SLC41A2: variants seen among roughly 807,000 people sequenced by gnomAD.
SLC41A2 encodes the protein solute carrier family 41 member 2.
In SLC41A2, 32 loss-of-function variants were observed where a neutral mutation model predicts 58.3. That is an observed-to-expected ratio of 0.55 (90% CI 0.41 to 0.74). SLC41A2 has a LOEUF of 0.74. SLC41A2 is among the 30% of genes least tolerant of loss of function. The pLI is 0.00. For missense variants in SLC41A2, 514 were observed against 680.6 expected, an observed-to-expected ratio of 0.76 and a Z score of 2.72; for synonymous variants, 190 against 235.0, an observed-to-expected ratio of 0.81 and a Z score of 1.75.
chr12:104,903,529 A>C (rs1185274753), intron 3 of SLC41A2, among the ~76,000 whole-genome samples: 1 of 152,156 alleles, frequency 6.6e-6, no homozygotes, highest in Non-Finnish European at 1.5e-5. Flanking sequence ...GGAGTTTCTA[A>C]TTTAGTAGTT....
Position 104,844,492 on chromosome 12 carries a change from A to G in SLC41A2, c.1516T>C (p.Leu506=). 6.6e-7 allele frequency: 1 copy of G among 1,507,232 alleles called. No individual in the cohort carries two copies. The highest frequency in any genetic ancestry group is 1.5e-5 in the South Asian group (1 of 68,724). The allele number at this position is 1,507,232 out of a possible 1,614,324, so 93.4% of individuals were successfully genotyped here. A position where few individuals can be genotyped will look rare whatever the true frequency, so the allele number is the denominator to read the frequency against. ...CTTACCTGTAACACAGCGCCAAATA[A>G]ATACACTACTATGAAGATTATAGTT... ...SLTIIFIVVY[L]FGAVLQVFTL... is the part of the protein sequence containing the mutation. Residue 506 remains leucine, a synonymous_variant, in exon 10 of 11, where the codon TTA becomes CTA. Transcript: ENST00000258538.
chr12:104,855,745 A>T (rs1471648543), intron 8 of SLC41A2, among the ~76,000 whole-genome samples: 1 of 152,196 alleles, frequency 6.6e-6, no homozygotes, highest in African/African-American at 2.4e-5. Context: ...TGAATTCAGA[A>T]GCTATTTCAA....
chr12:104,843,674 G>A (rs1263773768), intron 10 of SLC41A2, among the ~76,000 whole-genome samples: 2 of 151,960 alleles, frequency 1.3e-5, no homozygotes, highest in African/African-American at 2.4e-5. Context: ...TTATTACTAA[G>A]CAAACACAAA....
intron 1 of SLC41A2, among the ~76,000 whole-genome samples, chr12:104,949,205 C>T (rs11112252): frequency 0.029 from 4,447 of 151,920 alleles, 188 homozygotes; most frequent in African/African-American, 0.1. Context: ...GTAACAAAAG[C>T]GAAACTCCGT....
intron 6 of SLC41A2, among the ~76,000 whole-genome samples, chr12:104,877,074 T>A (rs1381776126): frequency 6.6e-6 from 1 of 152,248 alleles, no homozygotes; most frequent in Non-Finnish European, 1.5e-5. Flanking sequence ...ATGGCCTCTA[T>A]AACTAAAGCC....
intron 9 of SLC41A2, among the ~76,000 whole-genome samples, 168 bp from the exon 10 acceptor site, chr12:104,844,788 C>T (rs1465556827): frequency 6.6e-6 from 1 of 152,090 alleles, no homozygotes; most frequent in East Asian, 1.9e-4. Context: ...ATTTCATTCT[C>T]TGAAATTTCC....
At chr12:104,955,549 G>A (rs1382017306) in intron 1 of SLC41A2, among the ~76,000 whole-genome samples, 6 of 152,102 alleles carry the variant, frequency 3.9e-5, no homozygotes, top group African/African-American at 1.2e-4. Context: ...TGCCCACACC[G>A]TATTCAGAAT....
intron 1 of SLC41A2, among the ~76,000 whole-genome samples, chr12:104,935,367 C>CA (rs764380213): frequency 6.9e-6 from 1 of 143,974 alleles, no homozygotes; most frequent in Non-Finnish European, 1.5e-5. Context: ...ATTCTCACCA[C>CA]AAAAAAAAGT....
chr12:104,829,856 A>G (rs1308799418), intron 10 of SLC41A2, among the ~76,000 whole-genome samples: 1 of 152,220 alleles, frequency 6.6e-6, no homozygotes, highest in Non-Finnish European at 1.5e-5. Context: ...CATTATATAA[A>G]TTTCAAATTT....
chr12:104,855,552 G>A (rs1162141876), intron 8 of SLC41A2, among the ~76,000 whole-genome samples: 1 of 152,146 alleles, frequency 6.6e-6, no homozygotes, highest in Non-Finnish European at 1.5e-5. Flanking sequence ...TCTGGGACAT[G>A]TAATTAATCC....
intron 8 of SLC41A2, among the ~76,000 whole-genome samples, chr12:104,853,310 G>C (rs2042867858): frequency 6.6e-6 from 1 of 152,130 alleles, no homozygotes; most frequent in Admixed American, 6.5e-5. Flanking sequence ...ATTTTCTTAA[G>C]AAATAAATCT....
At chr12:104,811,374 A>G (rs189086130) in intron 10 of SLC41A2, among the ~76,000 whole-genome samples, 2 of 152,348 alleles carry the variant, frequency 1.3e-5, no homozygotes, top group Admixed American at 6.5e-5. Flanking sequence ...CAACATGAAT[A>G]TATCTCAAAA....
chr12:104,861,100 G>C (rs1457654268), intron 8 of SLC41A2, among the ~76,000 whole-genome samples, 191 bp downstream of exon 8: 4 of 152,170 alleles, frequency 2.6e-5, no homozygotes, highest in Admixed American at 6.5e-5. Flanking sequence ...TTACTTTTCA[G>C]AAATGTATTC....
At chr12:104,904,978 T>C (rs931560475) in intron 3 of SLC41A2, among the ~76,000 whole-genome samples, 26 of 152,212 alleles carry the variant, frequency 1.7e-4, no homozygotes, top group African/African-American at 6.0e-4. Flanking sequence ...TTTATTCTCT[T>C]ATCTGGCCCC....
chr12:104,807,398 G>A (rs1429116036), intron 10 of SLC41A2, among the ~76,000 whole-genome samples: 1 of 152,150 alleles, frequency 6.6e-6, no homozygotes. Flanking sequence ...TTATTTCTGA[G>A]GGCTCTGTTC....
At chr12:104,861,771 C>A (rs1456255701) in intron 7 of SLC41A2, among the ~76,000 whole-genome samples, 1 of 151,876 alleles carries the variant, frequency 6.6e-6, no homozygotes, top group East Asian at 1.9e-4. Flanking sequence ...ATTGATCACT[C>A]TTATAATTTA....
intron 10 of SLC41A2, among the ~76,000 whole-genome samples, chr12:104,829,428 A>G (rs189387232): frequency 6.6e-6 from 1 of 152,344 alleles, no homozygotes; most frequent in African/African-American, 2.4e-5. Context: ...ATAAAATTCT[A>G]GAAGAGGGAA....
intron 10 of SLC41A2, among the ~76,000 whole-genome samples, chr12:104,829,985 C>A (rs566199312): frequency 1.3e-5 from 2 of 152,266 alleles, no homozygotes; most frequent in South Asian, 4.1e-4. Context: ...GACTATATGG[C>A]CTAAAGGCCT....
chr12:104,856,451 T>C (rs2136396499), intron 8 of SLC41A2, among the ~76,000 whole-genome samples: 1 of 152,112 alleles, frequency 6.6e-6, no homozygotes, highest in Admixed American at 6.5e-5. Flanking sequence ...TATAATGAGT[T>C]GAAAAAATAC....
Sources: allele counts gnomAD v4.1 joint callset (sites outside exome capture counted in the v4.1 genomes callset), GRCh38; gene constraint gnomAD v4.1.1; transcripts MANE v1.5; gene names NCBI Gene and HGNC (gene_info 2026-07-23, HGNC 2026-07-21).